The following PCDHGB7 variants were observed in gnomAD, a reference collection of about 807,000 sequenced individuals.
The protein encoded by PCDHGB7 is protocadherin gamma subfamily B, 7.
A neutral mutation model predicts 61.4 loss-of-function variants in PCDHGB7; 37 were observed. The observed-to-expected ratio is 0.60, with a 90% confidence interval of 0.46 to 0.79. The LOEUF (loss-of-function observed/expected upper bound fraction) is 0.79, where lower values mean the gene tolerates loss of function less well. Ranked by LOEUF, PCDHGB7 falls within the 30% of genes least tolerant of loss-of-function variation. PCDHGB7 has a pLI of 0.00. For synonymous variants in PCDHGB7, 464 were observed against 503.5 expected (o/e 0.92, Z 1.05); for missense variants, 1,166 against 1,202.5 (o/e 0.97, Z 0.45).
intron 2 of PCDHGB7, among the ~76,000 whole-genome samples, chr5:141,495,279 G>C (rs72790069): frequency 0.027 from 4,092 of 152,256 alleles, 88 homozygotes; most frequent in Middle Eastern, 0.048. Flanking sequence ...CGGAGGAGGC[G>C]GTCCGCACTC....
At chr5:141,497,203 G>A (rs750138875) in intron 2 of PCDHGB7, among the ~76,000 whole-genome samples, 25 of 91,718 alleles carry the variant, frequency 2.7e-4, no homozygotes, top group Non-Finnish European at 4.9e-4. Flanking sequence ...AACAATGTGA[G>A]TGTAATGGGG....
intron 1 of PCDHGB7, among the ~76,000 whole-genome samples, chr5:141,492,886 C>A (rs1479930324): frequency 6.6e-6 from 1 of 152,178 alleles, no homozygotes; most frequent in African/African-American, 2.4e-5. Context: ...GAGATACAGG[C>A]TTTTGGCGCC....
chr5:141,443,064 G>A (rs76234738), intron 1 of PCDHGB7, among the ~76,000 whole-genome samples: 48 of 152,264 alleles, frequency 3.2e-4, no homozygotes, highest in African/African-American at 1.1e-3. Context: ...ACTGAAGAGC[G>A]TCTTATGACT....
At chr5:141,498,709 A>G (rs1245852373) in intron 2 of PCDHGB7, among the ~76,000 whole-genome samples, 2 of 152,148 alleles carry the variant, frequency 1.3e-5, no homozygotes, top group African/African-American at 4.8e-5. Context: ...AGGTGGGTGG[A>G]TCACCTGAGG....
intron 1 of PCDHGB7, among the ~76,000 whole-genome samples, chr5:141,459,757 G>T (rs1360124889): frequency 6.6e-6 from 1 of 152,162 alleles, no homozygotes; most frequent in Admixed American, 6.6e-5. Flanking sequence ...ATTCTAGTGG[G>T]TGTGTGATAC....
chr5:141,477,835 T>G lies in PCDHGB7; in HGVS notation c.2416-16972T>G. ...CCCAGGTCCTATATCCTCGGCCAGG[T>G]GGGAGCTCGGTGGAGATGCTGCCTC... On this transcript the variant is annotated intron_variant, in intron 1 of 3. Coordinates refer to ENST00000398594, the MANE Select transcript of PCDHGB7 (RefSeq NM_018927.4). This position sits in a 1 kb window ranked among gnomAD's most constrained non-coding sequence, Gnocchi z 4.9. The G allele has an allele frequency of 6.2e-7, 1 of 1,614,090 alleles. No individual in the cohort carries two copies. Among genetic ancestry groups the G allele is most frequent in the South Asian group, 1.1e-5 (1 of 91,072 alleles).
chr5:141,485,661 G>A lies in PCDHGB7; in HGVS notation c.2416-9146G>A. On this transcript the variant is annotated intron_variant, in intron 1 of 3. Transcript: ENST00000398594. This position sits in a 1 kb window ranked among gnomAD's most constrained non-coding sequence, Gnocchi z 5.7. ...GAAAAGGCTCAGGATGCAGATGTGGGGAGCAATTCGATTAGCAGCTATAGG... is the reference window on the plus strand; with the variant it reads ...GAAAAGGCTCAGGATGCAGATGTGGAGAGCAATTCGATTAGCAGCTATAGG... 2 of 1,612,678 alleles carry A rather than the reference G, an allele frequency of 1.2e-6. No individual in the cohort carries two copies. Among genetic ancestry groups the A allele is most frequent in the Non-Finnish European group, 1.7e-6 (2 of 1,178,884 alleles).
chr5:141,425,943 C>A (rs2096904576), intron 1 of PCDHGB7, among the ~76,000 whole-genome samples: 1 of 152,220 alleles, frequency 6.6e-6, no homozygotes, highest in Non-Finnish European at 1.5e-5. Flanking sequence ...TGTCTAGTTT[C>A]CTATACATTA....
In PCDHGB7 at chr5:141,487,930, G is replaced by T; in HGVS notation, c.2416-6877G>T. On this transcript the variant is annotated intron_variant, in intron 1 of 3. Coordinates refer to ENST00000398594, the MANE Select transcript of PCDHGB7 (RefSeq NM_018927.4). This position sits in a 1 kb window ranked among gnomAD's most constrained non-coding sequence, Gnocchi z 5.0. Reference sequence around the variant, plus strand: ...GAGCACAGGAGGCTACAGTGCACAGGGTACAGTGCACCAGGCAGTCACTTG... The same window carrying T: ...GAGCACAGGAGGCTACAGTGCACAGTGTACAGTGCACCAGGCAGTCACTTG... 2 of 613,220 alleles carry T rather than the reference G, an allele frequency of 3.3e-6. No homozygotes were observed. Among genetic ancestry groups the T allele is most frequent in the African/African-American group, 1.8e-5 (1 of 54,186 alleles). 38.0% of individuals were successfully genotyped at this position (613,220 alleles called of 1,614,324 possible).
At position 141,489,562 on chromosome 5, in the gene PCDHGB7, G is replaced by A. The variant is rs770734883; in HGVS notation, c.2416-5245G>A. ...CACCAGCTGCCTGCTGCCAGTGCAG[G>A]TGGTGACTGAACACCCCCTGGAGCT... On this transcript the variant is annotated intron_variant, in intron 1 of 3. Coordinates refer to ENST00000398594, the MANE Select transcript of PCDHGB7 (RefSeq NM_018927.4). The surrounding 1 kb of genome is among the most constrained non-coding windows in gnomAD (Gnocchi z 4.5). 2 of 1,614,114 alleles carry A rather than the reference G, an allele frequency of 1.2e-6. No homozygotes were observed. Among genetic ancestry groups the A allele is most frequent in the Non-Finnish European group, 1.7e-6 (2 of 1,180,028 alleles).
Position 141,504,710 on chromosome 5 carries a change from G to A in PCDHGB7, c.2475-683G>A, listed in dbSNP as rs528205869. The stretch of plus-strand genomic sequence containing the variant: ...AGGAGGGGCAGGTTCTTCTATGGCC[G>A]TGGATTTTACTCTGAGGGCTTAGGA... On this transcript the variant is annotated intron_variant, in intron 2 of 3. Transcript: ENST00000398594. Among the ~76,000 whole-genome samples the A allele has an allele frequency of 1.4e-4, 21 of 151,968 alleles. No homozygotes were observed. The East Asian group carries it at 3.7e-3, about 27-fold the overall frequency.
chr5:141,423,078 C>A (rs752144906), intron 1 of PCDHGB7: 1 of 1,613,990 alleles, frequency 6.2e-7, no homozygotes, highest in Admixed American at 1.7e-5. Context: ...AGCCGGGACT[C>A]TTCGCGGTGG....
Position 141,485,943 on chromosome 5 carries a change from C to T in PCDHGB7, c.2416-8864C>T, listed in dbSNP as rs750871245. On this transcript the variant is annotated intron_variant, in intron 1 of 3. Transcript: ENST00000398594. This position sits in a 1 kb window ranked among gnomAD's most constrained non-coding sequence, Gnocchi z 5.7. Reference sequence around the variant, plus strand: ...ATTAGTGTGTTGGAGAGCGCACCAGCGGGCATGGTGCTCATCCAGCTCAAT... The same window carrying T: ...ATTAGTGTGTTGGAGAGCGCACCAGTGGGCATGGTGCTCATCCAGCTCAAT... The T allele has an allele frequency of 1.9e-6, 3 of 1,614,126 alleles. No homozygotes were observed. In the South Asian group the frequency reaches 3.3e-5, roughly 18 times the overall value.
intron 1 of PCDHGB7, among the ~76,000 whole-genome samples, chr5:141,479,798 G>C (rs892288776): frequency 6.6e-6 from 1 of 152,234 alleles, no homozygotes; most frequent in East Asian, 1.9e-4. Context: ...ATTAATTCAG[G>C]GTGGTATGCA....
rs1440274831 is a variant in PCDHGB7, at chr5:141,418,273, A to G, written c.414A>G (p.Ile138Met). 2 of 1,614,082 alleles carry G rather than the reference A, an allele frequency of 1.2e-6. No individual in the cohort carries two copies. The highest frequency in any genetic ancestry group is 8.5e-7 in the Non-Finnish European group (1 of 1,179,894). ...DHAPQFRKDE[I>M]NLEISESVSL... ...CCCCTCAATTCCGGAAAGATGAAAT[A>G]AACTTAGAAATCAGTGAATCCGTCA... Residue 138 changes from isoleucine to methionine, a missense_variant, in exon 1 of 4, where the codon ATA becomes ATG. Ile to Met is a conservative substitution (Grantham distance 10, BLOSUM62 1). Transcript: ENST00000398594.
Position 141,489,075 on chromosome 5 carries a change from C to A in PCDHGB7, c.2416-5732C>A. The A allele has an allele frequency of 3.1e-6, 1 of 324,814 alleles. No individual in the cohort carries two copies. The highest frequency in any genetic ancestry group is 5.5e-6 in the Non-Finnish European group (1 of 180,380). The allele number at this position is 324,814 out of a possible 1,614,324, so 20.1% of individuals were successfully genotyped here. A position where few individuals can be genotyped will look rare whatever the true frequency, so the allele number is the denominator to read the frequency against. ...TCAGCTCCCCTCCCCCCTGCCCACCCCCGCCACTCGGTGACTAAGAACTGC... is the reference window on the plus strand; with the variant it reads ...TCAGCTCCCCTCCCCCCTGCCCACCACCGCCACTCGGTGACTAAGAACTGC... On this transcript the variant is annotated intron_variant, in intron 1 of 3. Coordinates refer to ENST00000398594, the MANE Select transcript of PCDHGB7 (RefSeq NM_018927.4). The surrounding 1 kb of genome is among the most constrained non-coding windows in gnomAD (Gnocchi z 4.5).
In PCDHGB7 at chr5:141,486,585, GGGA is replaced by G; in HGVS notation, c.2416-8221_2416-8219del. The G allele has an allele frequency of 6.2e-7, 1 of 1,613,708 alleles. No individual in the cohort carries two copies. Among genetic ancestry groups the G allele is most frequent in the Non-Finnish European group, 8.5e-7 (1 of 1,180,024 alleles). On this transcript the variant is annotated intron_variant, in intron 1 of 3. Transcript: ENST00000398594. This position sits in a 1 kb window ranked among gnomAD's most constrained non-coding sequence, Gnocchi z 5.0. ...TTTGTTCCTGAGAACAATCGCCCAG[GGGA>G]CCTGCTTTGCTCCCTTGCAGCCTCT...
intron 1 of PCDHGB7, among the ~76,000 whole-genome samples, chr5:141,458,982 C>G (rs2098958289): frequency 6.6e-6 from 1 of 152,164 alleles, no homozygotes; most frequent in Admixed American, 6.5e-5. Flanking sequence ...GTCCTCCTGC[C>G]TCACCCTCCC....
intron 1 of PCDHGB7, chr5:141,441,868 C>A: frequency 3.0e-6 from 1 of 338,212 alleles, no homozygotes; most frequent in Non-Finnish European, 5.8e-6. Flanking sequence ...CGCCGCGGAG[C>A]CTGGCTACCT....
Sources: allele counts gnomAD v4.1 joint callset (sites outside exome capture counted in the v4.1 genomes callset), GRCh38; gene constraint gnomAD v4.1.1; non-coding constraint Gnocchi (gnomAD v3.1); transcripts MANE v1.5; gene names NCBI Gene and HGNC (gene_info 2026-07-23, HGNC 2026-07-21).